PLD5: variants seen among roughly 807,000 people sequenced by gnomAD.
The protein encoded by PLD5 is inactive phospholipase D5.
A neutral mutation model predicts 61.1 loss-of-function variants in PLD5; 36 were observed. That is an observed-to-expected ratio of 0.59 (90% CI 0.45 to 0.78). The LOEUF (loss-of-function observed/expected upper bound fraction) is 0.78, where lower values mean the gene tolerates loss of function less well. Ranked by LOEUF, PLD5 falls within the 30% of genes least tolerant of loss-of-function variation. The pLI is 0.00. For missense variants in PLD5, 515 were observed against 644.4 expected, an observed-to-expected ratio of 0.80 and a Z score of 2.17; for synonymous variants, 243 against 242.8, an observed-to-expected ratio of 1.00 and a Z score of -0.01.
chr1:242,186,580 TAAAAC>T (rs1270505656), intron 5 of PLD5, among the ~76,000 whole-genome samples: 3 of 152,162 alleles, frequency 2.0e-5, no homozygotes, highest in Admixed American at 6.5e-5. Context: ...ACTATGCAGT[TAAAAC>T]AAAGAGCAAA....
chr1:242,434,145 C>A (rs1465111310), intron 1 of PLD5, among the ~76,000 whole-genome samples: 1 of 152,160 alleles, frequency 6.6e-6, no homozygotes, highest in Non-Finnish European at 1.5e-5. Context: ...ACAAGGAGAC[C>A]CATCAGGACA....
At chr1:242,297,931 G>A (rs1156331857) in intron 2 of PLD5, among the ~76,000 whole-genome samples, 5 of 152,116 alleles carry the variant, frequency 3.3e-5, no homozygotes, top group Admixed American at 6.5e-5. Flanking sequence ...GAGCCACCGC[G>A]CCCGGCCCGG....
intron 1 of PLD5, among the ~76,000 whole-genome samples, chr1:242,382,717 C>A (rs1251770876): frequency 6.6e-6 from 1 of 152,078 alleles, no homozygotes; most frequent in African/African-American, 2.4e-5. Flanking sequence ...TCAGGAGAAA[C>A]CTTCCTGATT....
chr1:242,328,074 TAAA>T (rs1658907662), intron 2 of PLD5, among the ~76,000 whole-genome samples: 1 of 151,924 alleles, frequency 6.6e-6, no homozygotes, highest in South Asian at 2.1e-4. Flanking sequence ...ACCCTGCTGC[TAAA>T]AACAAAACAA....
At chr1:242,144,429 C>T (rs1299338266) in intron 5 of PLD5, among the ~76,000 whole-genome samples, 1 of 152,032 alleles carries the variant, frequency 6.6e-6, no homozygotes, top group Non-Finnish European at 1.5e-5. Flanking sequence ...AGTCCCAAAC[C>T]ACAGACACAC....
In PLD5 at chr1:242,288,346, A is replaced by T; in HGVS notation, c.495+16T>A. 3 of 1,606,122 alleles carry T rather than the reference A, an allele frequency of 1.9e-6. No individual in the cohort carries two copies. Among genetic ancestry groups the T allele is most frequent in the African/African-American group, 1.3e-5 (1 of 74,530 alleles). ...ACATAAGTAAAATCATCACACACAC[A>T]GAGGATGTAGCTTACCTGACATGCT... On this transcript the variant is annotated intron_variant, in intron 3 of 9. Transcript: ENST00000536534.
At chr1:242,097,330 G>C (rs947938998) in intron 9 of PLD5, among the ~76,000 whole-genome samples, 14 of 152,266 alleles carry the variant, frequency 9.2e-5, no homozygotes, top group African/African-American at 1.2e-4. Flanking sequence ...GCCACACTGA[G>C]TTCCACAATG....
Position 242,307,425 on chromosome 1 carries a change from C to G in PLD5, c.327-18895G>C, listed in dbSNP as rs147793536. 6.9e-4 allele frequency among the ~76,000 whole-genome samples: 105 copies of G among 152,168 alleles called. 1 individual carries two copies. Among genetic ancestry groups the G allele is most frequent in the African/African-American group, 2.4e-3 (101 of 41,490 alleles). On this transcript the variant is annotated intron_variant, in intron 2 of 9. Coordinates refer to ENST00000536534, the MANE Select transcript of PLD5 (RefSeq NM_001372062.1). Reference sequence around the variant, plus strand: ...TGCCACTTATTGAGAGGCCCATAAGCCAAGTACTTTGCAGACATGATGACA... The same window carrying G: ...TGCCACTTATTGAGAGGCCCATAAGGCAAGTACTTTGCAGACATGATGACA...
intron 1 of PLD5, among the ~76,000 whole-genome samples, chr1:242,478,159 A>G (rs916415618): frequency 3.3e-5 from 5 of 152,232 alleles, no homozygotes; most frequent in Non-Finnish European, 7.3e-5. Flanking sequence ...ATGACAGGAA[A>G]TAGTGGGTCT....
chr1:242,106,641 T>G (rs1661077318), intron 8 of PLD5, among the ~76,000 whole-genome samples: 2 of 152,180 alleles, frequency 1.3e-5, no homozygotes, highest in African/African-American at 4.8e-5. Context: ...CCAATTTCGC[T>G]CTTCTCCTGT....
chr1:242,206,499 C>G (rs1226586755), intron 5 of PLD5, among the ~76,000 whole-genome samples: 1 of 152,180 alleles, frequency 6.6e-6, no homozygotes, highest in Non-Finnish European at 1.5e-5. Flanking sequence ...AGTCAAAAAT[C>G]TGTGTATAGC....
intron 1 of PLD5, among the ~76,000 whole-genome samples, chr1:242,480,561 C>T (rs758535491): frequency 1.9e-4 from 29 of 152,010 alleles, no homozygotes; most frequent in South Asian, 4.2e-4. Context: ...AAAATAAATA[C>T]GCAAACTACA....
intron 4 of PLD5, among the ~76,000 whole-genome samples, chr1:242,220,472 AC>A (rs1197804494): frequency 2.0e-5 from 3 of 152,076 alleles, no homozygotes; most frequent in Admixed American, 2.0e-4. Context: ...AGATAGGTAC[AC>A]CATATGCAGT....
chr1:242,163,206 C>G (rs527852425), intron 5 of PLD5, among the ~76,000 whole-genome samples: 6 of 147,754 alleles, frequency 4.1e-5, no homozygotes, highest in East Asian at 2.0e-4. Flanking sequence ...TGCAGTGGCG[C>G]GATCTCGGCT....
At chr1:242,239,309 G>A (rs78739840) in intron 4 of PLD5, among the ~76,000 whole-genome samples, 278 of 152,222 alleles carry the variant, frequency 1.8e-3, no homozygotes, top group African/African-American at 6.5e-3. Flanking sequence ...CTTGTTGGTG[G>A]AATGAATGAT....
At chr1:242,148,531 G>A (rs1013541698) in intron 5 of PLD5, among the ~76,000 whole-genome samples, 2 of 151,836 alleles carry the variant, frequency 1.3e-5, no homozygotes, top group African/African-American at 4.8e-5. Flanking sequence ...AAGTCCTGAG[G>A]GGATTTTAGT....
chr1:242,205,404 T>C (rs915367400), intron 5 of PLD5, among the ~76,000 whole-genome samples: 3 of 152,190 alleles, frequency 2.0e-5, no homozygotes, highest in East Asian at 1.9e-4. Context: ...TTGTAGAAAA[T>C]ACGCATGATT....
chr1:242,493,541 A>G (rs551589440), intron 1 of PLD5, among the ~76,000 whole-genome samples: 1 of 152,204 alleles, frequency 6.6e-6, no homozygotes, highest in Non-Finnish European at 1.5e-5. Flanking sequence ...AGGGACAAGC[A>G]GTCAGTTTCG....
intron 4 of PLD5, among the ~76,000 whole-genome samples, chr1:242,264,462 G>A (rs1226632260): frequency 6.6e-6 from 1 of 152,134 alleles, no homozygotes; most frequent in African/African-American, 2.4e-5. Context: ...GGCCGCTGGG[G>A]CTCACTTATT....
Sources: gnomAD v4.1 joint callset for allele counts (sites outside exome capture counted in the v4.1 genomes callset) on GRCh38, gnomAD v4.1.1 for gene constraint, MANE v1.5 for transcripts, NCBI Gene and HGNC (gene_info 2026-07-23, HGNC 2026-07-21) for gene names.